The following UBE2U variants were observed in gnomAD, a reference collection of about 807,000 sequenced individuals.
UBE2U encodes the protein ubiquitin conjugating enzyme E2 U.
UBE2U carries 39 observed loss-of-function variants against 41.2 expected under a neutral mutation model. The ratio of observed to expected loss-of-function variants is 0.95; its 90% CI spans 0.73 to 1.24. The LOEUF is 1.24. Among genes scored for constraint, UBE2U ranks in the 50% most tolerant of loss-of-function variants. The probability of loss-of-function intolerance (pLI) is 0.00; values close to 1 mark genes in which losing one functional copy is unlikely to be tolerated. For missense variants in UBE2U, 336 were observed against 363.1 expected (o/e 0.93, Z 0.61); for synonymous variants, 107 against 117.8 (o/e 0.91, Z 0.60).
intron 1 of UBE2U, 25 bp from the exon 2 acceptor site, chr1:64,205,614 A>T: frequency 6.3e-7 from 1 of 1,582,716 alleles, no homozygotes; most frequent in Middle Eastern, 1.7e-4. Flanking sequence ...GTTTTTTCTG[A>T]TTTAATTTTG....
At chr1:64,237,583 A>G (rs1644693457) in intron 7 of UBE2U, among the ~76,000 whole-genome samples, 3 of 152,274 alleles carry the variant, frequency 2.0e-5, no homozygotes, top group South Asian at 2.1e-4. Context: ...AGCACCTTCT[A>G]TATCTAGACA....
At chr1:64,221,904 G>A (rs1445232112) in intron 6 of UBE2U, among the ~76,000 whole-genome samples, 1 of 151,946 alleles carries the variant, frequency 6.6e-6, no homozygotes, top group Non-Finnish European at 1.5e-5. Context: ...GGCTAACATG[G>A]TGAAACCTGT....
At chr1:64,210,881 AT>A in intron 4 of UBE2U, 42 bp downstream of exon 4, 1 of 1,354,254 alleles carries the variant, frequency 7.4e-7, no homozygotes, top group Non-Finnish European at 1.0e-6. Flanking sequence ...AATACTTTTA[AT>A]TACCCTAATT....
chr1:64,227,162 C>G (rs1353686821), intron 6 of UBE2U, among the ~76,000 whole-genome samples: 1 of 152,158 alleles, frequency 6.6e-6, no homozygotes, highest in East Asian at 1.9e-4. Flanking sequence ...AACAGCCAAC[C>G]TCATACTAAA....
At chr1:64,266,676 C>T (rs912078053) in intron 9 of UBE2U, among the ~76,000 whole-genome samples, 3 of 152,272 alleles carry the variant, frequency 2.0e-5, no homozygotes, top group East Asian at 3.9e-4. Flanking sequence ...AACTGGTCTT[C>T]CTGTTTCAAA....
intron 8 of UBE2U, among the ~76,000 whole-genome samples, chr1:64,246,765 A>G (rs1387344497): frequency 6.6e-6 from 1 of 152,194 alleles, no homozygotes; most frequent in East Asian, 1.9e-4. Flanking sequence ...TTGATAGTCA[A>G]CCATTCCAGA....
At chr1:64,239,157 A>AAGAAGAAGAGGAGGAAGAGG in intron 7 of UBE2U, among the ~76,000 whole-genome samples, 1 of 37,070 alleles carries the variant, frequency 2.7e-5, no homozygotes, top group South Asian at 1.4e-3. Context: ...GAAGAAGAAG[A>AAGAAGAAGAGGAGGAAGAGG]AAGAAGAAGA....
Position 64,220,935 on chromosome 1 carries a change from C to T in UBE2U, c.506+28C>T, listed in dbSNP as rs542742346. 23 of 1,506,580 alleles carry T rather than the reference C, an allele frequency of 1.5e-5. 1 individual carries two copies. The highest frequency in any genetic ancestry group is 1.3e-4 in the South Asian group (11 of 83,016). 93.3% of individuals were successfully genotyped at this position (1,506,580 alleles called of 1,614,324 possible). On this transcript the variant is annotated intron_variant, in intron 6 of 9. Coordinates refer to ENST00000371077, the MANE Select transcript of UBE2U (RefSeq NM_001366232.2). ...AAGTTTTTCTTTATACAATTTATGT[C>T]GATTTATTTACCAAAAGGACTATTT...
chr1:64,239,080 GGAAGAGGAAGAGGAA>G (rs1323020304), intron 7 of UBE2U, among the ~76,000 whole-genome samples: 39 of 54,750 alleles, frequency 7.1e-4, no homozygotes, highest in Admixed American at 1.7e-3. Flanking sequence ...AAGAGGAAGA[GGAAGAGGAAGAGGAA>G]GAAGAAGAAG....
chr1:64,241,845 A>T, intron 8 of UBE2U, 112 bp downstream of exon 8: 1 of 723,842 alleles, frequency 1.4e-6, no homozygotes, highest in Non-Finnish European at 2.3e-6. Context: ...ATAACAACTT[A>T]TACCCTTTTC....
rs114888667 is a variant in UBE2U at position 64,235,882 on chromosome 1, G to A, written c.595+3233G>A. Among the ~76,000 whole-genome samples the A allele has an allele frequency of 9.4e-3, 1,432 of 151,812 alleles. 20 individuals are homozygous for A. Among genetic ancestry groups the A allele is most frequent in the African/African-American group, 0.032 (1,345 of 41,412 alleles). ...CATTATTAAGCACCTAATATATGTC[G>A]TGCACGGTGGTATATCAACCCTACG... On this transcript the variant is annotated intron_variant, in intron 7 of 9. Transcript: ENST00000371077.
chr1:64,236,586 C>A (rs1184450475), intron 7 of UBE2U, among the ~76,000 whole-genome samples: 1 of 152,052 alleles, frequency 6.6e-6, no homozygotes, highest in African/African-American at 2.4e-5. Flanking sequence ...AGAATATGAT[C>A]CCCATAAGGA....
chr1:64,230,013 A>G (rs759624073), intron 6 of UBE2U, among the ~76,000 whole-genome samples: 1 of 152,238 alleles, frequency 6.6e-6, no homozygotes, highest in Non-Finnish European at 1.5e-5. Context: ...GATGCTTTCT[A>G]TTAACAGCAA....
intron 4 of UBE2U, among the ~76,000 whole-genome samples, chr1:64,212,025 T>C (rs1651695958): frequency 6.6e-6 from 1 of 152,344 alleles, no homozygotes; most frequent in Admixed American, 6.5e-5. Context: ...AATAATACTT[T>C]CCTGGCTAGT....
At chr1:64,217,349 A>G (rs1018528496) in intron 5 of UBE2U, among the ~76,000 whole-genome samples, 5 of 152,202 alleles carry the variant, frequency 3.3e-5, no homozygotes, top group African/African-American at 1.2e-4. Context: ...ATGAAAACTC[A>G]GAGGAGGAAG....
intron 8 of UBE2U, chr1:64,244,155 C>G (rs749909344): frequency 6.8e-6 from 11 of 1,608,528 alleles, no homozygotes; most frequent in South Asian, 2.2e-5. Flanking sequence ...TTGGAAGCAG[C>G]ATAGGGGAAG....
rs137983019 is a variant in UBE2U, at chr1:64,219,619, C to G, written c.458-1240C>G. Among the ~76,000 whole-genome samples the G allele has an allele frequency of 1.7e-4, 25 of 147,900 alleles. No individual in the cohort carries two copies. The Admixed American group carries it at 1.7e-3, about 10-fold the overall frequency. ...TTTTTTTTTTAGACGGAGTCTCACT[C>G]TGTCTCCCAGGCTGCCAGGCTGGAG... On this transcript the variant is annotated intron_variant, in intron 5 of 9. Transcript: ENST00000371077.
intron 8 of UBE2U, among the ~76,000 whole-genome samples, chr1:64,247,175 A>C (rs542087592): frequency 6.6e-6 from 1 of 151,218 alleles, no homozygotes; most frequent in South Asian, 2.1e-4. Flanking sequence ...TTATGAATTC[A>C]GTATTCTTTA....
rs1200129352 is a variant in UBE2U, at chr1:64,267,126, A to G, written c.872A>G (p.Asp291Gly). ...AGTGACACTTCATTATATGAAAATGACACAGATGAGCCCAGGGAAGAGGAA... is the reference window on the plus strand; with the variant it reads ...AGTGACACTTCATTATATGAAAATGGCACAGATGAGCCCAGGGAAGAGGAA... ...WKSDTSLYEN[D>G]TDEPREEEVE... is the part of the protein sequence containing the mutation. Residue 291 changes from aspartate to glycine, a missense_variant, in exon 10 of 10, where the codon GAC (aspartate) becomes GGC (glycine). Asp to Gly is a moderately conservative substitution (Grantham distance 94). Transcript: ENST00000371077. The G allele has an allele frequency of 6.4e-7, 1 of 1,550,462 alleles. No homozygotes were observed. The highest frequency in any genetic ancestry group is 2.0e-5 in the Admixed American group (1 of 50,988).
Sources: allele counts gnomAD v4.1 joint callset (sites outside exome capture counted in the v4.1 genomes callset), GRCh38; gene constraint gnomAD v4.1.1; transcripts MANE v1.5; gene names NCBI Gene and HGNC (gene_info 2026-07-23, HGNC 2026-07-21).